Variants in ENTREP2 observed in about 807,000 individuals in gnomAD.
ENTREP2 encodes the protein protein ENTREP2.
At chr15:29,283,583 A>C in the ENTREP2 span, among the ~76,000 whole-genome samples, 5 of 152,154 alleles carry the variant, frequency 3.3e-5, no homozygotes, top group African/African-American at 1.2e-4. Context: ...GGCCCAAACC[A>C]GCGCTGGGGA....
chr15:29,425,207 T>TTTA, the ENTREP2 span, among the ~76,000 whole-genome samples: 15,311 of 150,960 alleles, frequency 0.1, 984 homozygotes, highest in East Asian at 0.3. Context: ...TTGTTTTTTT[T>TTTA]TTTGTATTTT....
At chr15:29,423,807 T>C in the ENTREP2 span, among the ~76,000 whole-genome samples, 21,892 of 151,838 alleles carry the variant, frequency 0.14, 1,890 homozygotes, top group East Asian at 0.31. Flanking sequence ...AAAAAAAAAT[T>C]TGATTTTTTT....
At chr15:29,253,452 CTT>C in the ENTREP2 span, among the ~76,000 whole-genome samples, 7 of 142,594 alleles carry the variant, frequency 4.9e-5, no homozygotes, top group African/African-American at 5.2e-5. Context: ...GTCTCTCTCT[CTT>C]TTTTTTTTTT....
the ENTREP2 span, among the ~76,000 whole-genome samples, chr15:29,283,560 T>C: frequency 2.6e-5 from 4 of 152,072 alleles, no homozygotes; most frequent in South Asian, 4.1e-4. Flanking sequence ...TTAGCTATCA[T>C]AGCCTGCAGC....
the ENTREP2 span, among the ~76,000 whole-genome samples, chr15:29,572,154 T>C: frequency 2.6e-5 from 4 of 152,210 alleles, no homozygotes; most frequent in Admixed American, 2.0e-4. Flanking sequence ...GCCAACACTT[T>C]AGCAGGGATG....
the ENTREP2 span, among the ~76,000 whole-genome samples, chr15:29,573,216 G>A: frequency 2.0e-5 from 3 of 152,176 alleles, no homozygotes; most frequent in African/African-American, 7.2e-5. Flanking sequence ...TGGTGAAGGT[G>A]GGTTAGGAGA....
At chr15:29,220,764 A>T in the ENTREP2 span, among the ~76,000 whole-genome samples, 1 of 152,124 alleles carries the variant, frequency 6.6e-6, no homozygotes, top group African/African-American at 2.4e-5. Context: ...TAGAACCTTT[A>T]TTATATAAAT....
the ENTREP2 span, among the ~76,000 whole-genome samples, chr15:29,294,118 C>G: frequency 6.6e-6 from 1 of 152,150 alleles, no homozygotes; most frequent in East Asian, 1.9e-4. Flanking sequence ...GGGGGACAGT[C>G]AACACAAGGA....
At chr15:29,635,458 G>A in the ENTREP2 span, among the ~76,000 whole-genome samples, 1 of 152,176 alleles carries the variant, frequency 6.6e-6, no homozygotes, top group Non-Finnish European at 1.5e-5. Context: ...GTGTGCTCAG[G>A]AGTCCTGCAC....
At chr15:29,542,642 C>T in the ENTREP2 span, among the ~76,000 whole-genome samples, 2 of 152,182 alleles carry the variant, frequency 1.3e-5, no homozygotes, top group African/African-American at 2.4e-5. Context: ...TACGGCACAA[C>T]GTACATTCAC....
At chr15:29,627,017 CT>C in the ENTREP2 span, among the ~76,000 whole-genome samples, 1 of 151,746 alleles carries the variant, frequency 6.6e-6, no homozygotes, top group Non-Finnish European at 1.5e-5. Flanking sequence ...TTATTTTTTC[CT>C]TCTTTTCCTG....
chr15:29,611,366 T>C, the ENTREP2 span, among the ~76,000 whole-genome samples: 1,544 of 151,942 alleles, frequency 0.01, 32 homozygotes, highest in African/African-American at 0.035. Flanking sequence ...CAGAGGCATA[T>C]TAAAACTCAT....
chr15:29,490,408 G>A, the ENTREP2 span, among the ~76,000 whole-genome samples: 9 of 152,228 alleles, frequency 5.9e-5, no homozygotes, highest in African/African-American at 1.2e-4. Flanking sequence ...AACCCAAACA[G>A]TTTGCGGCTG....
At chr15:29,214,287 C>T in the ENTREP2 span, among the ~76,000 whole-genome samples, 1 of 152,202 alleles carries the variant, frequency 6.6e-6, no homozygotes, top group African/African-American at 2.4e-5. Flanking sequence ...TTGGAACCAA[C>T]CCCAATGTCC....
the ENTREP2 span, among the ~76,000 whole-genome samples, chr15:29,119,145 C>T: frequency 6.6e-6 from 1 of 152,232 alleles, no homozygotes; most frequent in Non-Finnish European, 1.5e-5. Flanking sequence ...CGCACACCAG[C>T]TTTGTGCCTC....
the ENTREP2 span, among the ~76,000 whole-genome samples, chr15:29,196,931 C>T: frequency 2.6e-4 from 39 of 152,268 alleles, no homozygotes; most frequent in African/African-American, 9.4e-4. Flanking sequence ...ATTCTCCTTC[C>T]ACAGTCAGAA....
chr15:29,664,168 T>G, the ENTREP2 span, among the ~76,000 whole-genome samples: 1 of 152,258 alleles, frequency 6.6e-6, no homozygotes, highest in African/African-American at 2.4e-5. Context: ...ATTTTCTCAA[T>G]GCTGTGAGCT....
the ENTREP2 span, among the ~76,000 whole-genome samples, chr15:29,215,122 G>A: frequency 6.6e-6 from 1 of 152,162 alleles, no homozygotes; most frequent in Admixed American, 6.5e-5. Flanking sequence ...TGGAGCTCCA[G>A]TGTTAGGTGC....
At chr15:29,319,409 G>C in the ENTREP2 span, among the ~76,000 whole-genome samples, 2 of 152,200 alleles carry the variant, frequency 1.3e-5, no homozygotes, top group Non-Finnish European at 2.9e-5. Flanking sequence ...GGTTGTTCAA[G>C]TGCCATCTAA....
Sources: gnomAD v4.1 joint callset for allele counts (sites outside exome capture counted in the v4.1 genomes callset) on GRCh38, gnomAD v4.1.1 for gene constraint, MANE v1.5 for transcripts, NCBI Gene and HGNC (gene_info 2026-07-23, HGNC 2026-07-21) for gene names.